CACNA2D3: variants seen among roughly 807,000 people sequenced by gnomAD.
The protein encoded by CACNA2D3 is calcium voltage-gated channel auxiliary subunit alpha2delta 3.
In CACNA2D3, 60 loss-of-function variants were observed where a neutral mutation model predicts 160.6. That is an observed-to-expected ratio of 0.37 (90% CI 0.30 to 0.46). CACNA2D3 has a LOEUF of 0.46. Ranked by LOEUF, CACNA2D3 falls within the 20% of genes least tolerant of loss-of-function variation. CACNA2D3 has a pLI of 1.00. For missense variants in CACNA2D3, 1,205 were observed against 1,365.0 expected (o/e 0.88, Z 1.85); for synonymous variants, 558 against 492.9 (o/e 1.13, Z -1.75).
At chr3:54,864,268 G>A (rs1699354226) in intron 17 of CACNA2D3, among the ~76,000 whole-genome samples, 1 of 151,668 alleles carries the variant, frequency 6.6e-6, no homozygotes, top group Non-Finnish European at 1.5e-5. Flanking sequence ...TCAGTTTATT[G>A]TAGGTGTTCT....
chr3:54,301,830 T>A (rs1254556638), intron 2 of CACNA2D3, among the ~76,000 whole-genome samples: 2 of 152,206 alleles, frequency 1.3e-5, no homozygotes, highest in South Asian at 2.1e-4. Flanking sequence ...TGATTTTAGA[T>A]TTACCGATGT....
intron 11 of CACNA2D3, among the ~76,000 whole-genome samples, chr3:54,734,766 T>C (rs777135568): frequency 2.0e-5 from 3 of 152,216 alleles, no homozygotes; most frequent in Non-Finnish European, 4.4e-5. Flanking sequence ...GGATAATAAC[T>C]GGTTGTCAGA....
intron 2 of CACNA2D3, among the ~76,000 whole-genome samples, chr3:54,298,971 A>G (rs968746306): frequency 1.8e-3 from 144 of 78,406 alleles, no homozygotes; most frequent in African/African-American, 6.0e-3. Flanking sequence ...AAAAAAAAAA[A>G]AAGAAGAAGA....
intron 4 of CACNA2D3, among the ~76,000 whole-genome samples, chr3:54,466,867 T>G (rs1700637853): frequency 6.6e-6 from 1 of 152,178 alleles, no homozygotes; most frequent in Non-Finnish European, 1.5e-5. Flanking sequence ...AAGGTTTGCT[T>G]CATCATTTTG....
intron 2 of CACNA2D3, among the ~76,000 whole-genome samples, chr3:54,164,917 A>C (rs1700421331): frequency 6.6e-6 from 1 of 152,120 alleles, no homozygotes; most frequent in African/African-American, 2.4e-5. Context: ...CAACATAAGA[A>C]AGTCTGCGAA....
chr3:54,664,621 T>A (rs1248147713), intron 11 of CACNA2D3, among the ~76,000 whole-genome samples: 1 of 152,236 alleles, frequency 6.6e-6, no homozygotes, highest in East Asian at 1.9e-4. Flanking sequence ...TGTTGAAAAA[T>A]GTCTTTGTTC....
At chr3:54,278,418 G>T (rs1702792865) in intron 2 of CACNA2D3, among the ~76,000 whole-genome samples, 1 of 152,186 alleles carries the variant, frequency 6.6e-6, no homozygotes, top group East Asian at 1.9e-4. Flanking sequence ...ACCTGTGGAA[G>T]TCAGTGTGGT....
At chr3:54,291,312 C>T (rs1703198818) in intron 2 of CACNA2D3, among the ~76,000 whole-genome samples, 1 of 152,186 alleles carries the variant, frequency 6.6e-6, no homozygotes, top group African/African-American at 2.4e-5. Flanking sequence ...TGATTAATAT[C>T]CTTTTTCTCA....
At chr3:54,676,748 G>A (rs189867561) in intron 11 of CACNA2D3, among the ~76,000 whole-genome samples, 221 of 152,306 alleles carry the variant, frequency 1.5e-3, no homozygotes, top group Admixed American at 3.1e-3. Flanking sequence ...CTGCCAATGA[G>A]AGGGGAGAGT....
At chr3:54,720,552 T>TAA (rs552261777) in intron 11 of CACNA2D3, among the ~76,000 whole-genome samples, 1 of 151,162 alleles carries the variant, frequency 6.6e-6, no homozygotes, top group African/African-American at 2.4e-5. Context: ...TGAGCACTTG[T>TAA]AAAAAAAAAT....
intron 11 of CACNA2D3, among the ~76,000 whole-genome samples, chr3:54,726,184 C>A (rs1039557622): frequency 2.0e-5 from 3 of 152,018 alleles, no homozygotes; most frequent in Non-Finnish European, 4.4e-5. Context: ...GAATAAAATA[C>A]TCAGGAATAC....
intron 27 of CACNA2D3, among the ~76,000 whole-genome samples, chr3:54,923,781 ATCTTGG>A (rs1242913230): frequency 6.6e-6 from 1 of 152,180 alleles, no homozygotes; most frequent in Non-Finnish European, 1.5e-5. Context: ...CTGCTCTGTG[ATCTTGG>A]GCAAGTCACT....
At chr3:54,224,044 ATTTT>A (rs969674936) in intron 2 of CACNA2D3, among the ~76,000 whole-genome samples, 1 of 149,870 alleles carries the variant, frequency 6.7e-6, no homozygotes, top group African/African-American at 2.4e-5. Flanking sequence ...TTTCTATTAA[ATTTT>A]TTTTTTACTT....
chr3:54,381,675 T>C (rs765758573), intron 3 of CACNA2D3, among the ~76,000 whole-genome samples: 1 of 152,192 alleles, frequency 6.6e-6, no homozygotes, highest in Non-Finnish European at 1.5e-5. Context: ...TGTGCGGATA[T>C]ACATAGGGTC....
rs1415812443 is a variant in CACNA2D3, at chr3:54,690,057, C to G, written c.1167+47816C>G. Among the ~76,000 whole-genome samples the G allele has an allele frequency of 2.0e-5, 3 of 152,104 alleles. No homozygotes were observed. In the South Asian group the frequency reaches 6.2e-4, roughly 32 times the overall value. On this transcript the variant is annotated intron_variant, in intron 11 of 37. Coordinates refer to ENST00000474759, the MANE Select transcript of CACNA2D3 (RefSeq NM_018398.3). ...TACAACTTTGCACTGGTTGTATCAT[C>G]TGCTTGGGACATTTTTCCCTAGATA... is the stretch of plus-strand genomic sequence containing the variant.
intron 5 of CACNA2D3, among the ~76,000 whole-genome samples, chr3:54,529,280 G>A (rs961300288): frequency 6.6e-6 from 1 of 152,162 alleles, no homozygotes; most frequent in African/African-American, 2.4e-5. Flanking sequence ...CATGTTAGCG[G>A]TCTTCAACTT....
intron 27 of CACNA2D3, chr3:54,967,183 T>G (rs959345498): frequency 2.0e-5 from 3 of 152,228 alleles, no homozygotes; most frequent in Admixed American, 6.5e-5. Context: ...TCTCTCCCAA[T>G]GTACACACCC....
At chr3:54,343,776 C>T (rs1698407328) in intron 3 of CACNA2D3, among the ~76,000 whole-genome samples, 1 of 152,124 alleles carries the variant, frequency 6.6e-6, no homozygotes. Context: ...TTTAGAGAAG[C>T]CTTGAGCCAG....
At chr3:55,044,230 G>A (rs544159070) in intron 35 of CACNA2D3, among the ~76,000 whole-genome samples, 1 of 152,244 alleles carries the variant, frequency 6.6e-6, no homozygotes, top group South Asian at 2.1e-4. Context: ...AAGTCTTCCA[G>A]TCCATAAGCA....
Sources: allele counts gnomAD v4.1 joint callset (sites outside exome capture counted in the v4.1 genomes callset), GRCh38; gene constraint gnomAD v4.1.1; transcripts MANE v1.5; gene names NCBI Gene and HGNC (gene_info 2026-07-23, HGNC 2026-07-21).